NCBP1: variants seen among roughly 807,000 people sequenced by gnomAD.
NCBP1 encodes nuclear cap binding protein subunit 1.
NCBP1 carries 16 observed loss-of-function variants against 111.7 expected under a neutral mutation model. That is an observed-to-expected ratio of 0.14 (90% CI 0.10 to 0.22). The LOEUF (loss-of-function observed/expected upper bound fraction) is 0.22, where lower values mean the gene tolerates loss of function less well. Among genes scored for constraint, NCBP1 ranks in the 10% least tolerant of loss-of-function variants. The probability of loss-of-function intolerance (pLI) is 1.00; values close to 1 mark genes in which losing one functional copy is unlikely to be tolerated. For synonymous variants in NCBP1, 304 were observed against 314.3 expected (o/e 0.97, Z 0.35); for missense variants, 607 against 957.5 (o/e 0.63, Z 4.83).
chr9:97,637,051 A>G (rs1827062162), intron 1 of NCBP1, among the ~76,000 whole-genome samples: 1 of 152,166 alleles, frequency 6.6e-6, no homozygotes, highest in South Asian at 2.1e-4. Flanking sequence ...ACAGAAGAGC[A>G]AGGAGGCCAG....
chr9:97,649,009 T>C (rs913546829), intron 8 of NCBP1, among the ~76,000 whole-genome samples: 5 of 152,186 alleles, frequency 3.3e-5, no homozygotes, highest in African/African-American at 9.7e-5. Flanking sequence ...TCCATAATTA[T>C]ACTTAATAAG....
At chr9:97,661,256 T>G (rs1041279712) in intron 16 of NCBP1, among the ~76,000 whole-genome samples, 188 bp downstream of exon 16, 1 of 152,214 alleles carries the variant, frequency 6.6e-6, no homozygotes. Context: ...TTCTGTGATA[T>G]AGCTTACTTA....
intron 1 of NCBP1, among the ~76,000 whole-genome samples, chr9:97,635,635 T>A (rs1015742809): frequency 6.6e-6 from 1 of 151,978 alleles, no homozygotes; most frequent in African/African-American, 2.4e-5. Flanking sequence ...TTGCCCAGGC[T>A]GATCTTGAAC....
intron 15 of NCBP1, 43 bp from the exon 16 acceptor site, chr9:97,660,903 A>G: frequency 6.4e-7 from 1 of 1,569,664 alleles, no homozygotes; most frequent in Non-Finnish European, 8.6e-7. Context: ...AATAGTCTTG[A>G]AACCTGATCT....
At chr9:97,654,439 A>T (rs1270269094) in intron 11 of NCBP1, among the ~76,000 whole-genome samples, 1 of 152,142 alleles carries the variant, frequency 6.6e-6, no homozygotes, top group Non-Finnish European at 1.5e-5. Context: ...GCAATTAATA[A>T]TGGAAAAGCT....
At position 97,662,111 on chromosome 9, in the gene NCBP1, A is replaced by C. The variant is rs769724189; in HGVS notation, c.1670A>C (p.Lys557Thr). ...CAGACTCTGCTACACTTGGCAGCCA[A>C]ATCATTCAGCCACTCCTTCAGTGCT... The part of the protein sequence containing the change: ...FVQTLLHLAA[K>T]SFSHSFSALA... The change falls in exon 17 of 23, where the codon AAA becomes ACA. Residue 557 changes from lysine to threonine, a missense_variant. By Grantham distance (78) the Lys-to-Thr change is moderately conservative. Coordinates refer to ENST00000375147, the MANE Select transcript of NCBP1 (RefSeq NM_002486.5). 3.1e-6 allele frequency: 5 copies of C among 1,613,894 alleles called. No homozygotes were observed. The highest frequency in any genetic ancestry group is 1.1e-5 in the South Asian group (1 of 91,074).
intron 1 of NCBP1, among the ~76,000 whole-genome samples, chr9:97,637,627 T>C (rs1294865724): frequency 1.4e-5 from 2 of 145,358 alleles, no homozygotes; most frequent in Non-Finnish European, 2.9e-5. Context: ...GAAGTGATGG[T>C]TGCCTGTTTT....
chr9:97,673,480 C>T lies in NCBP1; in HGVS notation c.*2281C>T, dbSNP rs1828259117. The T allele has an allele frequency of 6.6e-6, 1 of 152,240 alleles. No individual in the cohort carries two copies. Among genetic ancestry groups the T allele is most frequent in the East Asian group, 1.9e-4 (1 of 5,186 alleles). 9.4% of individuals were successfully genotyped at this position (152,240 alleles called of 1,614,324 possible). A position where few individuals can be genotyped will look rare whatever the true frequency, so the allele number is the denominator to read the frequency against. The stretch of plus-strand genomic sequence containing the variant: ...GGTTTTAATTTCTTTTCTCTTGGTC[C>T]TCTCTTCATGTATAATGGTTGCTTT... On this transcript the variant is annotated 3_prime_UTR_variant, in exon 23 of 23. Coordinates refer to ENST00000375147, the MANE Select transcript of NCBP1 (RefSeq NM_002486.5).
At chr9:97,652,608 A>G (rs1417907170) in intron 10 of NCBP1, among the ~76,000 whole-genome samples, 2 of 152,220 alleles carry the variant, frequency 1.3e-5, no homozygotes, top group East Asian at 1.9e-4. Flanking sequence ...TGACAGAGTG[A>G]GAGTCCGTCT....
At chr9:97,634,006 C>T (rs999326866) in intron 1 of NCBP1, 91 bp downstream of exon 1, 2 of 1,392,584 alleles carry the variant, frequency 1.4e-6, no homozygotes, top group African/African-American at 1.5e-5. Context: ...ACTGGAAGCT[C>T]TTCTCCCCGG....
chr9:97,637,856 A>C (rs1247488854), intron 1 of NCBP1, among the ~76,000 whole-genome samples: 1 of 152,238 alleles, frequency 6.6e-6, no homozygotes, highest in Non-Finnish European at 1.5e-5. Flanking sequence ...GTACCCGTAT[A>C]AAATTAGGAT....
At chr9:97,643,111 A>C (rs572404107) in intron 3 of NCBP1, 93 bp from the exon 4 acceptor site, 1 of 1,294,294 alleles carries the variant, frequency 7.7e-7, no homozygotes, top group African/African-American at 1.5e-5. Context: ...TCCTGTTCCA[A>C]AGTTAATGGA....
At chr9:97,657,737 G>C (rs976779923) in intron 14 of NCBP1, among the ~76,000 whole-genome samples, 3 of 151,912 alleles carry the variant, frequency 2.0e-5, no homozygotes, top group Non-Finnish European at 4.4e-5. Context: ...TGTAAGAGCT[G>C]TCCTTTCTCC....
At chr9:97,657,740 C>A (rs1306358783) in intron 14 of NCBP1, among the ~76,000 whole-genome samples, 2 of 151,784 alleles carry the variant, frequency 1.3e-5, no homozygotes, top group African/African-American at 4.8e-5. Flanking sequence ...AAGAGCTGTC[C>A]TTTCTCCCCC....
intron 1 of NCBP1, 96 bp downstream of exon 1, chr9:97,634,011 C>G: frequency 7.4e-7 from 1 of 1,359,142 alleles, no homozygotes; most frequent in East Asian, 2.9e-5. Flanking sequence ...AAGCTCTTCT[C>G]CCCGGGAACG....
rs553041739 is a variant in NCBP1 at position 97,667,862 on chromosome 9, T to C, written c.2017-984T>C. Among the ~76,000 whole-genome samples the C allele has an allele frequency of 8.5e-5, 13 of 152,304 alleles. No homozygotes were observed. In the East Asian group the frequency reaches 9.6e-4, roughly 11 times the overall value. Reference sequence around the variant, plus strand: ...ACATATTTATATAACATTGGCCCCATTGAAGAAAGGTCTATCTATTAGGTA... The same window carrying C: ...ACATATTTATATAACATTGGCCCCACTGAAGAAAGGTCTATCTATTAGGTA... On this transcript the variant is annotated intron_variant, in intron 20 of 22. Transcript: ENST00000375147.
chr9:97,660,655 C>T (rs138561911), intron 15 of NCBP1, among the ~76,000 whole-genome samples: 55 of 152,310 alleles, frequency 3.6e-4, no homozygotes, highest in African/African-American at 1.1e-3. Context: ...TTCTCCTTAC[C>T]ATTCATCTTG....
intron 5 of NCBP1, 69 bp from the exon 6 acceptor site, chr9:97,645,542 A>G (rs912721511): frequency 1.4e-6 from 2 of 1,479,016 alleles, no homozygotes; most frequent in African/African-American, 1.4e-5. Context: ...ATTTCATTCA[A>G]GAATAAATAA....
intron 14 of NCBP1, among the ~76,000 whole-genome samples, chr9:97,657,827 G>C (rs1051926935): frequency 6.7e-6 from 1 of 149,376 alleles, no homozygotes; most frequent in East Asian, 2.0e-4. Context: ...TAAACTATGA[G>C]GATTATTTAT....
Sources: allele counts gnomAD v4.1 joint callset (sites outside exome capture counted in the v4.1 genomes callset), GRCh38; gene constraint gnomAD v4.1.1; transcripts MANE v1.5; gene names NCBI Gene and HGNC (gene_info 2026-07-23, HGNC 2026-07-21).